KCTD16: variants seen among roughly 807,000 people sequenced by gnomAD.
KCTD16 encodes BTB/POZ domain-containing protein KCTD16.
A neutral mutation model predicts 33.2 loss-of-function variants in KCTD16; 13 were observed. The ratio of observed to expected loss-of-function variants is 0.39; its 90% confidence interval spans 0.25 to 0.62. The LOEUF is 0.62. Ranked by LOEUF, KCTD16 falls within the 20% of genes least tolerant of loss-of-function variation. The pLI is 0.50. For synonymous variants in KCTD16, 197 were observed against 195.3 expected (o/e 1.01, Z -0.07); for missense variants, 441 against 525.1 (o/e 0.84, Z 1.57).
chr5:144,216,406 T>A (rs1323076625), intron 3 of KCTD16, among the ~76,000 whole-genome samples: 2 of 152,158 alleles, frequency 1.3e-5, no homozygotes, highest in Non-Finnish European at 1.5e-5. Flanking sequence ...TCAGTTCCAT[T>A]CCAGAGAAGA....
chr5:144,459,758 A>G (rs1449819642), intron 3 of KCTD16, among the ~76,000 whole-genome samples: 1 of 150,782 alleles, frequency 6.6e-6, no homozygotes, highest in African/African-American at 2.4e-5. Flanking sequence ...GTTAAAAATT[A>G]TAACTCCTAA....
chr5:144,221,603 C>G (rs1753756514), intron 3 of KCTD16, among the ~76,000 whole-genome samples: 1 of 152,118 alleles, frequency 6.6e-6, no homozygotes, highest in Admixed American at 6.6e-5. Context: ...GAATTCATCC[C>G]TTTTTATGGC....
At chr5:144,342,723 A>G (rs945782855) in intron 3 of KCTD16, among the ~76,000 whole-genome samples, 6 of 152,104 alleles carry the variant, frequency 3.9e-5, no homozygotes, top group Non-Finnish European at 8.8e-5. Flanking sequence ...GTTTGTCATA[A>G]ATAGCTCTTA....
chr5:144,395,523 A>G (rs1378877025), intron 3 of KCTD16, among the ~76,000 whole-genome samples: 1 of 152,170 alleles, frequency 6.6e-6, no homozygotes, highest in African/African-American at 2.4e-5. Flanking sequence ...CTTCTCTGCA[A>G]TCGCAGCTGG....
At chr5:144,232,673 A>G (rs1000892040) in intron 3 of KCTD16, among the ~76,000 whole-genome samples, 8 of 152,222 alleles carry the variant, frequency 5.3e-5, no homozygotes, top group Non-Finnish European at 1.2e-4. Flanking sequence ...TTTTTAGAGC[A>G]GTACTGTTCA....
intron 3 of KCTD16, among the ~76,000 whole-genome samples, chr5:144,286,618 A>C (rs1403481096): frequency 6.6e-6 from 1 of 152,196 alleles, no homozygotes; most frequent in Non-Finnish European, 1.5e-5. Flanking sequence ...GGAGAAACAG[A>C]CGTTATCACT....
rs77163510 is a variant in KCTD16 at position 144,339,363 on chromosome 5, T to C, written c.832+131817T>C. The stretch of plus-strand genomic sequence containing the variant: ...TGACACTAGCTTTACTATCTCTTTG[T>C]ACAACTATTATTCGATCACTGCCCT... On this transcript the variant is annotated intron_variant, in intron 3 of 3. Coordinates refer to ENST00000512467, the MANE Select transcript of KCTD16 (RefSeq NM_020768.4). Among the ~76,000 whole-genome samples, 495 of 152,332 alleles carry C rather than the reference T, an allele frequency of 3.2e-3. 2 individuals are homozygous for C. The highest frequency in any genetic ancestry group is 5.8e-3 in the Non-Finnish European group (393 of 68,024).
chr5:144,268,553 TAC>T (rs1441860800), intron 3 of KCTD16, among the ~76,000 whole-genome samples: 1 of 152,130 alleles, frequency 6.6e-6, no homozygotes, highest in East Asian at 1.9e-4. Flanking sequence ...CATTTTTTGG[TAC>T]AGAGACTGTC....
intron 3 of KCTD16, among the ~76,000 whole-genome samples, chr5:144,303,458 G>C (rs1751500600): frequency 6.6e-6 from 1 of 152,180 alleles, no homozygotes; most frequent in Admixed American, 6.5e-5. Flanking sequence ...GTTGTTCAGA[G>C]ATGGAAATAG....
intron 2 of KCTD16, among the ~76,000 whole-genome samples, chr5:144,186,746 G>A (rs537516004): frequency 2.6e-5 from 4 of 152,238 alleles, no homozygotes; most frequent in South Asian, 4.2e-4. Flanking sequence ...TCAAGGTAAA[G>A]GATTATTAAC....
intron 3 of KCTD16, among the ~76,000 whole-genome samples, chr5:144,449,549 A>T (rs1753895662): frequency 6.6e-6 from 1 of 152,014 alleles, no homozygotes; most frequent in Non-Finnish European, 1.5e-5. Context: ...ATAAAAGTTG[A>T]AATTATAAAT....
At chr5:144,250,695 C>T (rs954561282) in intron 3 of KCTD16, among the ~76,000 whole-genome samples, 1 of 152,160 alleles carries the variant, frequency 6.6e-6, no homozygotes, top group African/African-American at 2.4e-5. Flanking sequence ...CAAATTGTGA[C>T]TCTACCACTT....
intron 3 of KCTD16, among the ~76,000 whole-genome samples, chr5:144,430,984 A>G (rs927647903): frequency 4.2e-4 from 64 of 152,258 alleles, no homozygotes; most frequent in Middle Eastern, 3.4e-3. Flanking sequence ...CATATTTTGC[A>G]TACAGTTTCA....
At chr5:144,372,050 C>T (rs1268845404) in intron 3 of KCTD16, among the ~76,000 whole-genome samples, 1 of 152,080 alleles carries the variant, frequency 6.6e-6, no homozygotes, top group African/African-American at 2.4e-5. Flanking sequence ...TTAGGCCAGT[C>T]TTACATGTTG....
At position 144,470,418 on chromosome 5, in the gene KCTD16, A is replaced by C. The variant is rs115920681; in HGVS notation, c.833-3242A>C. Among the ~76,000 whole-genome samples the C allele has an allele frequency of 4.9e-3, 741 of 152,320 alleles. 7 individuals are homozygous for C. The highest frequency in any genetic ancestry group is 0.016 in the African/African-American group (682 of 41,584). ...CACATTTGATTATTTTTCAAACTTC[A>C]CAACAACCCTTCATGTAGGACTACA... On this transcript the variant is annotated intron_variant, in intron 3 of 3. Transcript: ENST00000512467.
At chr5:144,250,996 A>G (rs946214917) in intron 3 of KCTD16, among the ~76,000 whole-genome samples, 1 of 152,160 alleles carries the variant, frequency 6.6e-6, no homozygotes, top group African/African-American at 2.4e-5. Flanking sequence ...CCTGCTCTCG[A>G]TAAGTAGCCA....
At chr5:144,284,909 G>A (rs1215459473) in intron 3 of KCTD16, among the ~76,000 whole-genome samples, 3 of 152,154 alleles carry the variant, frequency 2.0e-5, no homozygotes, top group Non-Finnish European at 1.5e-5. Context: ...TCAGAGTCGA[G>A]GGTCACAGCC....
intron 3 of KCTD16, among the ~76,000 whole-genome samples, chr5:144,443,212 G>C (rs772838769): frequency 5.9e-5 from 9 of 152,104 alleles, no homozygotes; most frequent in Non-Finnish European, 8.8e-5. Context: ...TAATGGGGTA[G>C]AGTTTCCATT....
intron 3 of KCTD16, among the ~76,000 whole-genome samples, chr5:144,210,461 A>G (rs1415798216): frequency 2.6e-5 from 4 of 152,188 alleles, no homozygotes; most frequent in Non-Finnish European, 5.9e-5. Flanking sequence ...ATTGCCTTAC[A>G]AAGTATTTTA....
Sources: allele counts gnomAD v4.1 joint callset (sites outside exome capture counted in the v4.1 genomes callset), GRCh38; gene constraint gnomAD v4.1.1; transcripts MANE v1.5; gene names NCBI Gene and HGNC (gene_info 2026-07-23, HGNC 2026-07-21).